Variants in DOT1L observed in about 807,000 individuals in gnomAD.
The protein encoded by DOT1L is histone-lysine N-methyltransferase, H3 lysine-79 specific.
DOT1L carries 33 observed loss-of-function variants against 153.3 expected under a neutral mutation model. That is an observed-to-expected ratio of 0.22 (90% CI 0.16 to 0.29). DOT1L has a LOEUF of 0.29. Among genes scored for constraint, DOT1L ranks in the 10% least tolerant of loss-of-function variants. The pLI is 1.00. For missense variants in DOT1L, 1,847 were observed against 2,119.9 expected, an observed-to-expected ratio of 0.87 and a Z score of 2.53; for synonymous variants, 1,135 against 965.1, an observed-to-expected ratio of 1.18 and a Z score of -3.26.
chr19:2,171,441 C>T (rs1283418800), intron 1 of DOT1L, among the ~76,000 whole-genome samples: 2 of 152,154 alleles, frequency 1.3e-5, no homozygotes, highest in Non-Finnish European at 2.9e-5. Context: ...GTGGCTCTGC[C>T]CCCAGGGGAC....
intron 1 of DOT1L, among the ~76,000 whole-genome samples, chr19:2,180,211 T>A (rs1487889946): frequency 1.3e-5 from 2 of 152,158 alleles, no homozygotes; most frequent in African/African-American, 4.8e-5. Flanking sequence ...GTGGAGGCTC[T>A]ATCACCTGCG....
At position 2,220,104 on chromosome 19, in the gene DOT1L, G is replaced by T; in HGVS notation, c.2692-4G>T. On this transcript the variant is annotated splice_region_variant and splice_polypyrimidine_tract_variant and intron_variant, in intron 22 of 27. Transcript: ENST00000398665. The surrounding 1 kb of genome is among the most constrained non-coding windows in gnomAD (Gnocchi z 4.5). ...CCCTGACACACAGGGTTTTCTCTCT[G>T]CAGAGGAGCACCCCCAGTCCCGTGC... The T allele has an allele frequency of 6.2e-7, 1 of 1,603,032 alleles. No individual in the cohort carries two copies.
intron 6 of DOT1L, 137 bp from the exon 7 acceptor site, chr19:2,194,378 A>G: frequency 1.1e-6 from 1 of 879,688 alleles, no homozygotes; most frequent in South Asian, 1.5e-5. Flanking sequence ...TCACCGTGTT[A>G]GCCAGGATGG....
rs1599601015 is a variant in DOT1L at position 2,214,982 on chromosome 19, G to A, written c.1923+386G>A. 2.0e-5 allele frequency among the ~76,000 whole-genome samples: 3 copies of A among 152,208 alleles called. No individual in the cohort carries two copies. The South Asian group carries it at 6.2e-4, about 31-fold the overall frequency. On this transcript the variant is annotated intron_variant, in intron 19 of 27. Coordinates refer to ENST00000398665, the MANE Select transcript of DOT1L (RefSeq NM_032482.3). Reference sequence around the variant, plus strand: ...TGTAATCCCAGCACCTTGGGAGGCTGAGGCGGGCAGATCACCTGAGGCTAG... The same window carrying A: ...TGTAATCCCAGCACCTTGGGAGGCTAAGGCGGGCAGATCACCTGAGGCTAG...
intron 18 of DOT1L, 174 bp downstream of exon 18, chr19:2,214,160 T>C (rs1441897330): frequency 4.3e-6 from 5 of 1,166,194 alleles, no homozygotes; most frequent in Non-Finnish European, 5.9e-6. Flanking sequence ...CAGGCAGGCC[T>C]GGGCCCCTCG....
chr19:2,165,372 T>C (rs1159875702), intron 1 of DOT1L, among the ~76,000 whole-genome samples: 1 of 152,086 alleles, frequency 6.6e-6, no homozygotes, highest in Non-Finnish European at 1.5e-5. Flanking sequence ...CCGGGCTGGC[T>C]CACTGCCCCG....
chr19:2,174,444 G>A (rs2021806022), intron 1 of DOT1L, among the ~76,000 whole-genome samples: 1 of 152,034 alleles, frequency 6.6e-6, no homozygotes, highest in South Asian at 2.1e-4. Flanking sequence ...CCCAGGACTT[G>A]GGGAGGCCGA....
At chr19:2,165,633 C>T (rs949039037) in intron 1 of DOT1L, among the ~76,000 whole-genome samples, 2 of 152,256 alleles carry the variant, frequency 1.3e-5, no homozygotes, top group Non-Finnish European at 2.9e-5. Context: ...CCCTTCCAGC[C>T]TCCACTTCTC....
intron 4 of DOT1L, 45 bp downstream of exon 4, chr19:2,189,840 T>A: frequency 6.2e-7 from 1 of 1,602,952 alleles, no homozygotes. Flanking sequence ...AGTGCCAGGC[T>A]CCCGGACCCC....
chr19:2,227,138 C>T lies in DOT1L; in HGVS notation c.4606+11C>T, dbSNP rs376782599. ...GCGGCACAGTTGGAGGTAGGCAGGG[C>T]GGCCGTCCGTCCGCCCCCCGCCCCG... On this transcript the variant is annotated intron_variant, in intron 27 of 27. Transcript: ENST00000398665. The T allele has an allele frequency of 8.4e-6, 13 of 1,553,728 alleles. No homozygotes were observed. Among genetic ancestry groups the T allele is most frequent in the African/African-American group, 2.7e-5 (2 of 72,986 alleles).
chr19:2,175,829 A>G (rs2021902387), intron 1 of DOT1L, among the ~76,000 whole-genome samples: 1 of 152,138 alleles, frequency 6.6e-6, no homozygotes, highest in Non-Finnish European at 1.5e-5. Context: ...AGCCGAGACC[A>G]CACCACTGCA....
intron 8 of DOT1L, 62 bp downstream of exon 8, chr19:2,200,001 A>G: frequency 1.3e-6 from 2 of 1,590,034 alleles, no homozygotes; most frequent in Non-Finnish European, 1.7e-6. Context: ...GGCGGTGGCC[A>G]TGGCACCGGG....
rs537519985 is a variant in DOT1L, at chr19:2,198,776, C to T, written c.652-1108C>T. 7.9e-4 allele frequency among the ~76,000 whole-genome samples: 120 copies of T among 152,286 alleles called. 3 individuals carry two copies. The highest frequency in any genetic ancestry group is 2.3e-3 in the African/African-American group (94 of 41,542). On this transcript the variant is annotated intron_variant, in intron 7 of 27. Transcript: ENST00000398665. ...TTCCTGTCTCTGGATGGGCCTGTCC[C>T]GGACATTTCACAGAAACAGGATCAC... is the stretch of plus-strand genomic sequence containing the variant.
intron 27 of DOT1L, chr19:2,228,330 G>C (rs566686668): frequency 7.5e-7 from 1 of 1,334,142 alleles, no homozygotes; most frequent in Admixed American, 2.1e-5. Flanking sequence ...GCACCTTTCG[G>C]GGGTTAAGCC....
At position 2,220,067 on chromosome 19, in the gene DOT1L, G is replaced by T. The variant is rs745917394; in HGVS notation, c.2692-41G>T. 6.4e-7 allele frequency: 1 copy of T among 1,554,910 alleles called. No homozygotes were observed. The highest frequency in any genetic ancestry group is 8.7e-7 in the Non-Finnish European group (1 of 1,143,118). Reference sequence around the variant, plus strand: ...TCCAGCTGGGTTCTGGGTCTCCTGGGGCACCTGCTGCCCCTGACACACAGG... The same window carrying T: ...TCCAGCTGGGTTCTGGGTCTCCTGGTGCACCTGCTGCCCCTGACACACAGG... On this transcript the variant is annotated intron_variant, in intron 22 of 27. Coordinates refer to ENST00000398665, the MANE Select transcript of DOT1L (RefSeq NM_032482.3). The surrounding 1 kb of genome is among the most constrained non-coding windows in gnomAD (Gnocchi z 4.5).
At chr19:2,176,420 G>A (rs1437918237) in intron 1 of DOT1L, among the ~76,000 whole-genome samples, 1 of 152,202 alleles carries the variant, frequency 6.6e-6, no homozygotes, top group Non-Finnish European at 1.5e-5. Flanking sequence ...TGCAGAGCGA[G>A]TTCACCCTGC....
In DOT1L at chr19:2,193,868, G is replaced by A; in HGVS notation, c.588+85G>A. On this transcript the variant is annotated intron_variant, in intron 6 of 27. Transcript: ENST00000398665. This position sits in a 1 kb window ranked among gnomAD's most constrained non-coding sequence, Gnocchi z 5.9. ...CCCTGGGTGCCTGCACCCCACTGCTGTGGGACTTCCGAGTCTGGGTGGCGT... is the reference window on the plus strand; with the variant it reads ...CCCTGGGTGCCTGCACCCCACTGCTATGGGACTTCCGAGTCTGGGTGGCGT... The A allele has an allele frequency of 7.1e-7, 1 of 1,403,056 alleles. No homozygotes were observed. Among genetic ancestry groups the A allele is most frequent in the South Asian group, 1.2e-5 (1 of 80,742 alleles). The allele number at this position is 1,403,056 out of a possible 1,614,324, so 86.9% of individuals were successfully genotyped here. A position where few individuals can be genotyped will look rare whatever the true frequency, so the allele number is the denominator to read the frequency against.
intron 25 of DOT1L, among the ~76,000 whole-genome samples, chr19:2,224,223 G>A (rs1362204896): frequency 6.6e-6 from 1 of 152,178 alleles, no homozygotes; most frequent in Non-Finnish European, 1.5e-5. Flanking sequence ...GCACTGCTGT[G>A]GCCATGGGTG....
At chr19:2,221,833 G>C in intron 23 of DOT1L, 143 bp from the exon 24 acceptor site, 1 of 846,454 alleles carries the variant, frequency 1.2e-6, no homozygotes. Context: ...ACCCCAGAGG[G>C]GCCGTTTTCA....
Sources: allele counts gnomAD v4.1 joint callset (sites outside exome capture counted in the v4.1 genomes callset), GRCh38; gene constraint gnomAD v4.1.1; non-coding constraint Gnocchi (gnomAD v3.1); transcripts MANE v1.5; gene names NCBI Gene and HGNC (gene_info 2026-07-23, HGNC 2026-07-21).